KSR1: variants seen among roughly 807,000 people sequenced by gnomAD.
KSR1 encodes the protein kinase suppressor of ras.
Under a neutral mutation model 92.9 loss-of-function variants are expected in KSR1, and 35 were observed. The observed-to-expected ratio is 0.38, with a 90% CI of 0.29 to 0.50. The LOEUF is 0.50. Among genes scored for constraint, KSR1 ranks in the 20% least tolerant of loss-of-function variants. The pLI, the probability that KSR1 is intolerant of heterozygous loss-of-function variation, is 0.94. For synonymous variants in KSR1, 467 were observed against 472.6 expected, an observed-to-expected ratio of 0.99 and a Z score of 0.15; for missense variants, 972 against 1,158.5, an observed-to-expected ratio of 0.84 and a Z score of 2.34.
intron 10 of KSR1, among the ~76,000 whole-genome samples, chr17:27,600,458 TAAA>T (rs921742923): frequency 6.6e-6 from 1 of 151,816 alleles, no homozygotes. Context: ...AATATATAAA[TAAA>T]AAAAATTTTA....
intron 9 of KSR1, among the ~76,000 whole-genome samples, chr17:27,593,602 A>C (rs2073242062): frequency 6.6e-6 from 1 of 152,214 alleles, no homozygotes; most frequent in African/African-American, 2.4e-5. Flanking sequence ...TTACTGTCAG[A>C]CAAGAAGGCC....
intron 1 of KSR1, among the ~76,000 whole-genome samples, chr17:27,497,663 T>G (rs1426020792): frequency 6.6e-6 from 1 of 152,250 alleles, no homozygotes; most frequent in Admixed American, 6.5e-5. Flanking sequence ...TACTAGTGTC[T>G]CCTTTATGGC....
chr17:27,476,382 A>G (rs1381653144), intron 1 of KSR1, among the ~76,000 whole-genome samples: 6 of 152,224 alleles, frequency 3.9e-5, no homozygotes, highest in Admixed American at 6.5e-5. Flanking sequence ...ACTCAGGGGT[A>G]GAGCTGGCTT....
intron 2 of KSR1, among the ~76,000 whole-genome samples, chr17:27,551,973 C>A (rs906999946): frequency 6.6e-6 from 1 of 152,180 alleles, no homozygotes; most frequent in African/African-American, 2.4e-5. Flanking sequence ...GATCTGGCCT[C>A]TCTCGCCTCT....
intron 11 of KSR1, chr17:27,601,854 C>G: frequency 6.5e-7 from 1 of 1,533,904 alleles, no homozygotes; most frequent in Non-Finnish European, 8.9e-7. Context: ...CTGCGGGCTT[C>G]TCTTAGTGGG....
chr17:27,550,934 G>A (rs943690166), intron 2 of KSR1, among the ~76,000 whole-genome samples: 5 of 152,182 alleles, frequency 3.3e-5, no homozygotes, highest in African/African-American at 9.7e-5. Flanking sequence ...GCAGCCCCAC[G>A]CTGGGCATTG....
chr17:27,598,922 C>T lies in KSR1; in HGVS notation c.1468+1486C>T, dbSNP rs560208934. ...CAGCTGGAGAAGGCACGCCTCCTAT[C>T]GTCCCCTGCTCTGTGCTGTGCAGGG... is the stretch of plus-strand genomic sequence containing the variant. On this transcript the variant is annotated intron_variant, in intron 10 of 20. Coordinates refer to ENST00000644974, the MANE Select transcript of KSR1 (RefSeq NM_001394583.1). Among the ~76,000 whole-genome samples the T allele has an allele frequency of 5.3e-5, 8 of 152,332 alleles. No individual in the cohort carries two copies. In the South Asian group the frequency reaches 6.2e-4, roughly 12 times the overall value.
intron 1 of KSR1, among the ~76,000 whole-genome samples, chr17:27,514,846 C>T (rs1199729647): frequency 1.3e-5 from 2 of 152,180 alleles, no homozygotes; most frequent in Non-Finnish European, 2.9e-5. Context: ...CTCCAGGTTT[C>T]ACATTTGCAT....
intron 2 of KSR1, among the ~76,000 whole-genome samples, chr17:27,556,554 G>A (rs966709318): frequency 6.6e-6 from 1 of 152,172 alleles, no homozygotes; most frequent in South Asian, 2.1e-4. Flanking sequence ...CTCATTCCAG[G>A]TGTACCTGGA....
At position 27,605,501 on chromosome 17, in the gene KSR1, G is replaced by A. The variant is rs1188618155; in HGVS notation, c.1682G>A (p.Ser561Asn). ...GAGGACGAGGTGGACGACTTGCCGA[G>A]CTCTCGCCGGCCCTGGCGGGGCCCC... ...DDEDEVDDLP[S>N]SRRPWRGPIS... The change falls in exon 14 of 21, where the codon AGC becomes AAC. Residue 561 changes from serine to asparagine, a missense_variant. Coordinates refer to ENST00000644974, the MANE Select transcript of KSR1 (RefSeq NM_001394583.1). The A allele has an allele frequency of 6.2e-7, 1 of 1,603,970 alleles. No homozygotes were observed. Among genetic ancestry groups the A allele is most frequent in the Non-Finnish European group, 8.5e-7 (1 of 1,176,118 alleles).
intron 1 of KSR1, among the ~76,000 whole-genome samples, chr17:27,479,934 AATGT>A (rs1484046687): frequency 6.6e-6 from 1 of 152,038 alleles, no homozygotes; most frequent in Non-Finnish European, 1.5e-5. Context: ...GGTGTGTGTG[AATGT>A]ATGTAGGTGT....
At chr17:27,533,964 C>CGTGTGTGTGT (rs60306092) in intron 1 of KSR1, among the ~76,000 whole-genome samples, 46,357 of 151,632 alleles carry the variant, frequency 0.31, 7,380 homozygotes, top group African/African-American at 0.39. Flanking sequence ...CGTGTGCGCA[C>CGTGTGTGTGT]GTGTGTGTGT....
chr17:27,612,746 C>T (rs1372187741), intron 18 of KSR1: 1 of 152,250 alleles, frequency 6.6e-6, no homozygotes, highest in Non-Finnish European at 1.5e-5. Context: ...GGCAGCATAA[C>T]AATTGAAGTC....
chr17:27,610,124 T>C lies in KSR1; in HGVS notation c.2283T>C (p.Ile761=), dbSNP rs762669057. ...GGCTGTGCTATCTGGCCCCTGAGAT[T>C]GTACGCGAGATGACCCCCGGGAAGG... ...HDWLCYLAPE[I]VREMTPGKDE... The change falls in exon 17 of 21, where the codon ATT becomes ATC. Residue 761 remains isoleucine (I), a synonymous_variant. Transcript: ENST00000644974. 1.2e-6 allele frequency: 2 copies of C among 1,614,012 alleles called. No individual in the cohort carries two copies. Among genetic ancestry groups the C allele is most frequent in the East Asian group, 4.5e-5 (2 of 44,876 alleles).
At chr17:27,597,023 G>C (rs2073365520) in intron 9 of KSR1, among the ~76,000 whole-genome samples, 1 of 152,234 alleles carries the variant, frequency 6.6e-6, no homozygotes, top group Admixed American at 6.5e-5. Context: ...TGCAGGAAAG[G>C]CTTCTGGGAA....
intron 1 of KSR1, among the ~76,000 whole-genome samples, chr17:27,515,077 C>T (rs908128071): frequency 6.6e-6 from 1 of 152,088 alleles, no homozygotes; most frequent in Middle Eastern, 3.2e-3. Context: ...GGAGGATGGA[C>T]ATGGGGAGGC....
intron 18 of KSR1, among the ~76,000 whole-genome samples, chr17:27,616,428 T>G (rs2074056864): frequency 6.6e-6 from 1 of 152,246 alleles, no homozygotes; most frequent in Non-Finnish European, 1.5e-5. Context: ...ACTTTCTTAT[T>G]TGTTGATTTC....
At chr17:27,478,440 G>A (rs558744353) in intron 1 of KSR1, among the ~76,000 whole-genome samples, 3 of 152,222 alleles carry the variant, frequency 2.0e-5, no homozygotes, top group East Asian at 1.9e-4. Flanking sequence ...GCTGTTATGC[G>A]GATTATTTAT....
intron 1 of KSR1, among the ~76,000 whole-genome samples, chr17:27,512,147 C>G (rs2069624034): frequency 6.6e-6 from 1 of 152,214 alleles, no homozygotes; most frequent in South Asian, 2.1e-4. Flanking sequence ...CTCTTTCTCC[C>G]TGTAGTGACT....
Sources: gnomAD v4.1 joint callset for allele counts (sites outside exome capture counted in the v4.1 genomes callset) on GRCh38, gnomAD v4.1.1 for gene constraint, MANE v1.5 for transcripts, NCBI Gene and HGNC (gene_info 2026-07-23, HGNC 2026-07-21) for gene names.